The following KCNJ13 variants were observed in gnomAD, a reference collection of about 807,000 sequenced individuals.
KCNJ13 encodes inward rectifier potassium channel 13.
KCNJ13 carries 9 observed loss-of-function variants against 24.6 expected under a neutral mutation model. That is an observed-to-expected ratio of 0.37 (90% CI 0.22 to 0.64). KCNJ13 has a LOEUF of 0.64. Among genes scored for constraint, KCNJ13 ranks in the 30% least tolerant of loss-of-function variants. KCNJ13 has a pLI of 0.64. For missense variants in KCNJ13, 337 were observed against 443.8 expected (o/e 0.76, Z 2.16); for synonymous variants, 148 against 154.7 (o/e 0.96, Z 0.32).
intron 1 of KCNJ13, 191 bp from the exon 2 acceptor site, chr2:232,771,569 C>A: frequency 1.9e-6 from 1 of 512,902 alleles, no homozygotes; most frequent in Non-Finnish European, 3.4e-6. Flanking sequence ...TGTGTGTTAC[C>A]TTAAAATATC....
Position 232,767,556 on chromosome 2 carries a change from A to C in KCNJ13, c.*635T>G, listed in dbSNP as rs1422075244. 1 of 153,264 alleles carries C rather than the reference A, an allele frequency of 6.5e-6. No individual in the cohort carries two copies. The highest frequency in any genetic ancestry group is 1.5e-5 in the Non-Finnish European group (1 of 68,542). 9.5% of individuals were successfully genotyped at this position (153,264 alleles called of 1,614,324 possible). On this transcript the variant is annotated 3_prime_UTR_variant, in exon 3 of 3. Coordinates refer to ENST00000233826, the MANE Select transcript of KCNJ13 (RefSeq NM_002242.4). Reference sequence around the variant, plus strand: ...CACCTTCTGCCACAAATAAGTGAACATATATGTATGTGTTCGGGTGTCATG... The same window carrying C: ...CACCTTCTGCCACAAATAAGTGAACCTATATGTATGTGTTCGGGTGTCATG...
chr2:232,771,138 C>A lies in KCNJ13; in HGVS notation c.225G>T (p.Trp75Cys), dbSNP rs1348552377. 1.2e-6 allele frequency: 2 copies of A among 1,613,960 alleles called. No homozygotes were observed. Among genetic ancestry groups the A allele is most frequent in the Non-Finnish European group, 8.5e-7 (1 of 1,180,006 alleles). The change falls in exon 2 of 3, where the codon TGG becomes TGT. Residue 75 changes from tryptophan (W) to cysteine (C), a missense_variant. By Grantham distance (215) the Trp-to-Cys change is radical. This residue lies in a region of KCNJ13 where 101 missense variants were observed against 139.2 expected (regional missense o/e 0.73). Transcript: ENST00000233826. The part of the protein sequence containing the change: ...VVHWLVFAVL[W>C]YVLAEMNGDL... Reference sequence around the variant, plus strand: ...CACCATTCATCTCAGCCAGAACATACCAGAGCACTGCAAAGACAAGCCAGT... The same window carrying A: ...CACCATTCATCTCAGCCAGAACATAACAGAGCACTGCAAAGACAAGCCAGT...
In KCNJ13 at chr2:232,771,288, G is replaced by T. The variant is rs1699235615; in HGVS notation, c.75C>A (p.Gly25=). 5 of 1,609,794 alleles carry T rather than the reference G, an allele frequency of 3.1e-6. No homozygotes were observed. Among genetic ancestry groups the T allele is most frequent in the Non-Finnish European group, 4.2e-6 (5 of 1,177,692 alleles). Residue 25 remains glycine (G), a synonymous_variant, in exon 2 of 3, where the codon GGC becomes GGA. Transcript: ENST00000233826. The part of the protein sequence containing the change: ...QRYRRMVTKD[G]HSTLQMDGAQ... ...CGCCATCCATTTGAAGTGTGCTGTG[G>T]CCATCCTTGGTGACCATCCTCCGGT...
intron 2 of KCNJ13, among the ~76,000 whole-genome samples, chr2:232,769,097 T>C (rs115509509): frequency 6.6e-6 from 1 of 152,140 alleles, no homozygotes; most frequent in Non-Finnish European, 1.5e-5. Context: ...AGTCAAAGAA[T>C]TGGTCATTTC....
intron 2 of KCNJ13, among the ~76,000 whole-genome samples, chr2:232,770,359 T>C (rs542981455): frequency 3.9e-5 from 6 of 152,344 alleles, no homozygotes; most frequent in African/African-American, 1.2e-4. Context: ...TCCAGTGCAT[T>C]TTGCTAAGAA....
Position 232,770,921 on chromosome 2 carries a change from G to C in KCNJ13, c.442C>G (p.Leu148Val). ...LAIQMLLGLM[L>V]EAFITGAFVA... is the part of the protein sequence containing the mutation. ...AAATTACCTGTGATAAAAGCCTCTA[G>C]CATGAGGCCTAGGAGCATTTGTATG... Residue 148 changes from leucine to valine, a missense_variant, in exon 2 of 3, where the codon CTA becomes GTA. Transcript: ENST00000233826. The C allele has an allele frequency of 6.2e-7, 1 of 1,612,868 alleles. No individual in the cohort carries two copies. Among genetic ancestry groups the C allele is most frequent in the Non-Finnish European group, 8.5e-7 (1 of 1,179,092 alleles).
Position 232,776,539 on chromosome 2 carries a change from C to A in KCNJ13, c.-111G>T. 1 of 927,408 alleles carries A rather than the reference C, an allele frequency of 1.1e-6. No individual in the cohort carries two copies. The highest frequency in any genetic ancestry group is 1.4e-5 in the South Asian group (1 of 71,904). The allele number at this position is 927,408 out of a possible 1,614,324, so 57.4% of individuals were successfully genotyped here. ...GATCAGATAATTTTAATCTACAAGT[C>A]TAGTTTGTAGGTTCTCTTCTTGGAC... On this transcript the variant is annotated 5_prime_UTR_variant, in exon 1 of 3. Coordinates refer to ENST00000233826, the MANE Select transcript of KCNJ13 (RefSeq NM_002242.4).
chr2:232,770,030 A>G (rs1699167248), intron 2 of KCNJ13, among the ~76,000 whole-genome samples: 1 of 152,158 alleles, frequency 6.6e-6, no homozygotes, highest in Non-Finnish European at 1.5e-5. Flanking sequence ...GGTTAGTGCC[A>G]AGAGATACAA....
In KCNJ13 at chr2:232,768,724, T is replaced by G; in HGVS notation, c.550A>C (p.Lys184Gln). ...GCCACTTGGAAGATAAGATTAGGTTTGCCATCCATGTGAGCTACTACTGCT... is the reference window on the plus strand; with the variant it reads ...GCCACTTGGAAGATAAGATTAGGTTGGCCATCCATGTGAGCTACTACTGCT... ...DTAVVAHMDG[K>Q]PNLIFQVANT... Residue 184 changes from lysine to glutamine, a missense_variant, in exon 3 of 3, where the codon AAA (lysine) becomes CAA (glutamine). Lys to Gln is a moderately conservative substitution (Grantham distance 53). This residue lies in a region of KCNJ13 where 235 missense variants were observed against 286.9 expected (regional missense o/e 0.82). Transcript: ENST00000233826. 6.2e-7 allele frequency: 1 copy of G among 1,602,238 alleles called. No individual in the cohort carries two copies. Among genetic ancestry groups the G allele is most frequent in the South Asian group, 1.1e-5 (1 of 90,466 alleles).
chr2:232,768,929 T>C (rs925597669), intron 2 of KCNJ13, 116 bp from the exon 3 acceptor site: 6 of 880,284 alleles, frequency 6.8e-6, no homozygotes, highest in Admixed American at 5.3e-5. Context: ...TGCCTTTCAG[T>C]GAGTCAGGAA....
Position 232,768,576 on chromosome 2 carries a change from T to G in KCNJ13, c.698A>C (p.Glu233Ala), listed in dbSNP as rs2106335069. The G allele has an allele frequency of 6.2e-7, 1 of 1,614,160 alleles. No individual in the cohort carries two copies. Among genetic ancestry groups the G allele is most frequent in the East Asian group, 2.2e-5 (1 of 44,872 alleles). ...DFHLDGISSD[E>A]CPFFIFPLTY... ...TAGTGGAAAGATGAAGAATGGACAT[T>G]CGTCAGAACTGATGCCATCAAGGTG... Residue 233 changes from glutamate to alanine, a missense_variant, in exon 3 of 3, where the codon GAA (glutamate) becomes GCA (alanine). Coordinates refer to ENST00000233826, the MANE Select transcript of KCNJ13 (RefSeq NM_002242.4).
rs1699091441 is a variant in KCNJ13, at chr2:232,768,779, A to AT, written c.494dup (p.Asn165LysfsTer10). 3.7e-6 allele frequency: 6 copies of AT among 1,601,312 alleles called. No individual in the cohort carries two copies. Among genetic ancestry groups the AT allele is most frequent in the African/African-American group, 1.3e-5 (1 of 74,490 alleles). Reference sequence around the variant, plus strand: ...CAGTAAAGCGAATTGAAAAAGCTCGATTTTTTGGCCGGGCAATCTTCGCCA... The same window carrying AT: ...CAGTAAAGCGAATTGAAAAAGCTCGATTTTTTTGGCCGGGCAATCTTCGCCA... On this transcript the variant is annotated frameshift_variant, in exon 3 of 3. Transcript: ENST00000233826. LOFTEE classifies it high-confidence loss of function.
At position 232,767,642 on chromosome 2, in the gene KCNJ13, G is replaced by A. The variant is rs1699030945; in HGVS notation, c.*549C>T. Reference sequence around the variant, plus strand: ...TTTGTTGTTTTTCTCGTTAATTTTTGTTCTTAGTTGTTAAAAATTAAGGAG... The same window carrying A: ...TTTGTTGTTTTTCTCGTTAATTTTTATTCTTAGTTGTTAAAAATTAAGGAG... On this transcript the variant is annotated 3_prime_UTR_variant, in exon 3 of 3. Coordinates refer to ENST00000233826, the MANE Select transcript of KCNJ13 (RefSeq NM_002242.4). 6.3e-6 allele frequency: 1 copy of A among 158,134 alleles called. No homozygotes were observed. The highest frequency in any genetic ancestry group is 1.4e-5 in the Non-Finnish European group (1 of 71,588). 9.8% of individuals were successfully genotyped at this position (158,134 alleles called of 1,614,324 possible). A position where few individuals can be genotyped will look rare whatever the true frequency, so the allele number is the denominator to read the frequency against.
chr2:232,771,375 T>G lies in KCNJ13; in HGVS notation c.-13A>C, dbSNP rs769285344. 1 of 1,585,564 alleles carries G rather than the reference T, an allele frequency of 6.3e-7. No homozygotes were observed. Among genetic ancestry groups the G allele is most frequent in the South Asian group, 1.1e-5 (1 of 90,234 alleles). On this transcript the variant is annotated 5_prime_UTR_variant, in exon 2 of 3. Transcript: ENST00000233826. ...TACTGCTGTCCATCTCAGGCTGTATTTCTCTAAAATCAAGAGTAAATTAGT... is the reference window on the plus strand; with the variant it reads ...TACTGCTGTCCATCTCAGGCTGTATGTCTCTAAAATCAAGAGTAAATTAGT...
Position 232,766,258 on chromosome 2 carries a change from G to A in KCNJ13, c.*1933C>T, listed in dbSNP as rs1465413540. On this transcript the variant is annotated 3_prime_UTR_variant, in exon 3 of 3. Coordinates refer to ENST00000233826, the MANE Select transcript of KCNJ13 (RefSeq NM_002242.4). ...CAGTAGTTTACCAATAGTTTTTTTT[G>A]GCATGTGTAGGGGAAGTCATATTTA... 4.0e-5 allele frequency among the ~76,000 whole-genome samples: 6 copies of A among 151,860 alleles called. No homozygotes were observed. Among genetic ancestry groups the A allele is most frequent in the African/African-American group, 1.2e-4 (5 of 41,438 alleles).
intron 2 of KCNJ13, 29 bp downstream of exon 2, chr2:232,770,873 TG>T: frequency 2.6e-6 from 4 of 1,533,524 alleles, no homozygotes; most frequent in South Asian, 1.1e-5. Context: ...TTTTTGTTTT[TG>T]TTTTTTTTAA....
Position 232,766,171 on chromosome 2 carries a change from A to G in KCNJ13, c.*2020T>C, listed in dbSNP as rs924032679. Among the ~76,000 whole-genome samples, 4 of 152,334 alleles carry G rather than the reference A, an allele frequency of 2.6e-5. No individual in the cohort carries two copies. The highest frequency in any genetic ancestry group is 7.2e-5 in the African/African-American group (3 of 41,568). On this transcript the variant is annotated 3_prime_UTR_variant, in exon 3 of 3. Transcript: ENST00000233826. Reference sequence around the variant, plus strand: ...TGAACAGTCCTCCCAGAAACTTTCTATCTCCTGCAAAAAAGTTTTGGATCA... The same window carrying G: ...TGAACAGTCCTCCCAGAAACTTTCTGTCTCCTGCAAAAAAGTTTTGGATCA...
At position 232,768,295 on chromosome 2, in the gene KCNJ13, T is replaced by C. The variant is rs1574856135; in HGVS notation, c.979A>G (p.Thr327Ala). 6.2e-7 allele frequency: 1 copy of C among 1,614,046 alleles called. No homozygotes were observed. The highest frequency in any genetic ancestry group is 8.5e-7 in the Non-Finnish European group (1 of 1,179,992). The change falls in exon 3 of 3, where the codon ACT (threonine) becomes GCT (alanine). Residue 327 changes from threonine (T) to alanine (A), a missense_variant. Thr to Ala is a moderately conservative substitution (Grantham distance 58). Around this residue, in one of 3 missense-constraint regions of KCNJ13, gnomAD observed 235 missense variants for 286.9 expected, o/e 0.82. Transcript: ENST00000233826. ...NFDKTVPEFP[T>A]PLVSKSPNRT... is the part of the protein sequence containing the mutation. ...TTTGGGCTTTTAGAAACCAGAGGAGTTGGAAATTCAGGGACAGTCTTGTCA... is the reference window on the plus strand; with the variant it reads ...TTTGGGCTTTTAGAAACCAGAGGAGCTGGAAATTCAGGGACAGTCTTGTCA...
intron 2 of KCNJ13, among the ~76,000 whole-genome samples, chr2:232,769,691 T>TG (rs1699150689): frequency 1.3e-5 from 2 of 152,072 alleles, no homozygotes; most frequent in Admixed American, 1.3e-4. Flanking sequence ...TCTTAATCAG[T>TG]TTTGTGCCAC....
Sources: allele counts gnomAD v4.1 joint callset (sites outside exome capture counted in the v4.1 genomes callset), GRCh38; gene constraint gnomAD v4.1.1; regional missense constraint gnomAD v4.1.1; transcripts MANE v1.5; gene names NCBI Gene and HGNC (gene_info 2026-07-23, HGNC 2026-07-21).